The following WDR47 variants were observed in gnomAD, a reference collection of about 807,000 sequenced individuals.
WDR47 encodes the protein WD repeat-containing protein 47.
Under a neutral mutation model 97.2 loss-of-function variants are expected in WDR47, and 32 were observed. The ratio of observed to expected loss-of-function variants is 0.33; its 90% CI spans 0.25 to 0.44. The LOEUF (loss-of-function observed/expected upper bound fraction) is 0.44. WDR47 is among the 20% of genes least tolerant of loss of function. The pLI, the probability that WDR47 is intolerant of heterozygous loss-of-function variation, is 1.00. For synonymous variants in WDR47, 375 were observed against 373.5 expected, an observed-to-expected ratio of 1.00 and a Z score of -0.05; for missense variants, 782 against 1,102.3, an observed-to-expected ratio of 0.71 and a Z score of 4.11.
In WDR47 at chr1:109,020,432, T is replaced by G. The variant is rs1259799813; in HGVS notation, c.159-2831A>C. Reference sequence around the variant, plus strand: ...CCCGCCACCACGCCTGGCTAATTTTTTGTATTTTTAGTAGAGACGGGGGGT... The same window carrying G: ...CCCGCCACCACGCCTGGCTAATTTTGTGTATTTTTAGTAGAGACGGGGGGT... On this transcript the variant is annotated intron_variant, in intron 2 of 14. Transcript: ENST00000369962. Among the ~76,000 whole-genome samples the G allele has an allele frequency of 3.9e-5, 6 of 151,944 alleles. No individual in the cohort carries two copies. In the South Asian group the frequency reaches 6.2e-4, roughly 16 times the overall value.
intron 1 of WDR47, among the ~76,000 whole-genome samples, chr1:109,037,083 A>G (rs1663006916): frequency 6.6e-6 from 1 of 151,824 alleles, no homozygotes; most frequent in South Asian, 2.1e-4. Flanking sequence ...TAATCCCAGC[A>G]CTTTGGGAGG....
rs1450095747 is a variant in WDR47, at chr1:109,011,401, T to C, written c.645A>G (p.Ala215=). ...ECCVEFCQSK[A]TGEEITESEV... is the part of the protein sequence containing the mutation. ...CGCTTTCTGTAATTTCTTCTCCAGT[T>C]GCTTTACTCTGACAAAATTCTACAC... Residue 215 remains alanine (A), a synonymous_variant, in exon 5 of 15, where the codon GCA becomes GCG. Coordinates refer to ENST00000369962, the MANE Select transcript of WDR47 (RefSeq NM_001142551.2). 6.2e-7 allele frequency: 1 copy of C among 1,614,216 alleles called. No individual in the cohort carries two copies. The highest frequency in any genetic ancestry group is 1.1e-5 in the South Asian group (1 of 91,086).
At chr1:108,983,875 TTCTG>T (rs1415207344) in intron 10 of WDR47, among the ~76,000 whole-genome samples, 1 of 151,900 alleles carries the variant, frequency 6.6e-6, no homozygotes, top group Non-Finnish European at 1.5e-5. Context: ...TGTGCAAGAG[TTCTG>T]TCCAGAGTTT....
chr1:109,017,390 G>C lies in WDR47; in HGVS notation c.242+128C>G, dbSNP rs567776347. The stretch of plus-strand genomic sequence containing the variant: ...CACACTCCAGCTTGGGTGACAGAGA[G>C]AGATCAATTTGTTTACTCTCTGTTC... On this transcript the variant is annotated intron_variant, in intron 3 of 14. Coordinates refer to ENST00000369962, the MANE Select transcript of WDR47 (RefSeq NM_001142551.2). The C allele has an allele frequency of 1.7e-3, 1,296 of 750,252 alleles. 1 individual carries two copies. The highest frequency in any genetic ancestry group is 2.6e-3 in the Non-Finnish European group (1,165 of 442,680). 46.5% of individuals were successfully genotyped at this position (750,252 alleles called of 1,614,324 possible). A position where few individuals can be genotyped will look rare whatever the true frequency, so the allele number is the denominator to read the frequency against.
chr1:108,977,775 C>G (rs1245852556), intron 13 of WDR47, among the ~76,000 whole-genome samples: 2 of 152,120 alleles, frequency 1.3e-5, no homozygotes, highest in Non-Finnish European at 2.9e-5. Flanking sequence ...TTGCAGTGAG[C>G]TGAGATTACA....
At chr1:109,027,400 T>C (rs183477807) in intron 1 of WDR47, among the ~76,000 whole-genome samples, 63 of 152,214 alleles carry the variant, frequency 4.1e-4, no homozygotes, top group Non-Finnish European at 5.7e-4. Flanking sequence ...GAATACAGTA[T>C]AAATATAGGC....
chr1:109,015,434 C>T (rs1239468283), intron 3 of WDR47, among the ~76,000 whole-genome samples: 2 of 152,076 alleles, frequency 1.3e-5, no homozygotes, highest in African/African-American at 4.8e-5. Context: ...AGTGATTCTC[C>T]TACCTCAGCC....
At chr1:109,030,154 C>T (rs1662520646) in intron 1 of WDR47, 2 of 1,328,676 alleles carry the variant, frequency 1.5e-6, no homozygotes, top group Non-Finnish European at 2.1e-6. Flanking sequence ...AGCCCCAATT[C>T]CTACTTCATG....
intron 9 of WDR47, among the ~76,000 whole-genome samples, chr1:108,989,458 A>C (rs1169985962): frequency 6.6e-6 from 1 of 152,244 alleles, no homozygotes; most frequent in Admixed American, 6.5e-5. Context: ...GTCCTATGTA[A>C]GTGAATTGAA....
chr1:108,988,073 A>G (rs1015484501), intron 9 of WDR47, among the ~76,000 whole-genome samples: 2 of 148,642 alleles, frequency 1.3e-5, no homozygotes, highest in Non-Finnish European at 3.0e-5. Flanking sequence ...CCATCTCTAT[A>G]AAAATGAAAA....
At chr1:109,037,269 C>T (rs886225164) in intron 1 of WDR47, among the ~76,000 whole-genome samples, 2 of 150,942 alleles carry the variant, frequency 1.3e-5, no homozygotes, top group East Asian at 1.9e-4. Flanking sequence ...GCAGAGGTTG[C>T]GGTGAGCCGA....
intron 11 of WDR47, 129 bp from the exon 12 acceptor site, chr1:108,982,908 G>C (rs1043045847): frequency 6.5e-6 from 7 of 1,075,266 alleles, no homozygotes; most frequent in Non-Finnish European, 9.0e-6. Flanking sequence ...TTTCATTTAG[G>C]GATTGGTATT....
chr1:109,025,685 G>T (rs1484941783), intron 1 of WDR47, among the ~76,000 whole-genome samples: 1 of 151,886 alleles, frequency 6.6e-6, no homozygotes. Flanking sequence ...AGTGAGCCAA[G>T]ATTGTGCCAC....
At chr1:109,015,239 CTT>C (rs1458464889) in intron 3 of WDR47, among the ~76,000 whole-genome samples, 1 of 152,152 alleles carries the variant, frequency 6.6e-6, no homozygotes, top group African/African-American at 2.4e-5. Flanking sequence ...GATAGAGTAA[CTT>C]ATATCTGGCT....
chr1:108,986,588 T>C lies in WDR47; in HGVS notation c.1860A>G (p.Leu620=). The C allele has an allele frequency of 6.2e-7, 1 of 1,613,828 alleles. No homozygotes were observed. Among genetic ancestry groups the C allele is most frequent in the Non-Finnish European group, 8.5e-7 (1 of 1,179,838 alleles). The change falls in exon 10 of 15, where the codon TTA becomes TTG. Residue 620 remains leucine (L), a synonymous_variant. Transcript: ENST00000369962. Reference sequence around the variant, plus strand: ...TTTTTGAATTTGAACCAACAGCATATAAACCTCCAGCTGGATGAAAAGCCA... The same window carrying C: ...TTTTTGAATTTGAACCAACAGCATACAAACCTCCAGCTGGATGAAAAGCCA... ...RAVAFHPAGG[L]YAVGSNSKTL...
intron 2 of WDR47, among the ~76,000 whole-genome samples, chr1:109,018,612 C>T (rs1236932001): frequency 1.3e-5 from 2 of 151,970 alleles, no homozygotes; most frequent in Admixed American, 6.6e-5. Flanking sequence ...CTCAGGAGTT[C>T]GAAACCAGCC....
chr1:109,006,986 G>A (rs749427314), intron 5 of WDR47, among the ~76,000 whole-genome samples: 1 of 151,826 alleles, frequency 6.6e-6, no homozygotes, highest in Non-Finnish European at 1.5e-5. Context: ...CACCCAGGCT[G>A]GAGTACAGTG....
chr1:108,972,572 G>A (rs1657539581), intron 14 of WDR47, among the ~76,000 whole-genome samples: 3 of 152,124 alleles, frequency 2.0e-5, no homozygotes, highest in Admixed American at 2.0e-4. Context: ...TGTGAGTCAG[G>A]AGTATATGGG....
Position 108,983,252 on chromosome 1 carries a change from C to G in WDR47, c.2095+30G>C, listed in dbSNP as rs1658485236. 5.7e-6 allele frequency: 9 copies of G among 1,567,112 alleles called. No individual in the cohort carries two copies. In the South Asian group the frequency reaches 9.6e-5, roughly 17 times the overall value. Reference sequence around the variant, plus strand: ...AAAACATAACATATACACTGGTAAGCTAGCTACTGCTTACATACTTGGGCC... The same window carrying G: ...AAAACATAACATATACACTGGTAAGGTAGCTACTGCTTACATACTTGGGCC... On this transcript the variant is annotated intron_variant, in intron 11 of 14. Transcript: ENST00000369962.
Sources: gnomAD v4.1 joint callset for allele counts (sites outside exome capture counted in the v4.1 genomes callset) on GRCh38, gnomAD v4.1.1 for gene constraint, MANE v1.5 for transcripts, NCBI Gene and HGNC (gene_info 2026-07-23, HGNC 2026-07-21) for gene names.